COG2: variants seen among roughly 807,000 people sequenced by gnomAD.
The protein encoded by COG2 is component of oligomeric golgi complex 2, also known as conserved oligomeric Golgi complex subunit 2.
In COG2, 52 loss-of-function variants were observed where a neutral mutation model predicts 90.6. The observed-to-expected ratio is 0.57, with a 90% confidence interval of 0.46 to 0.72. The LOEUF (loss-of-function observed/expected upper bound fraction) is 0.72. Ranked by LOEUF, COG2 falls within the 30% of genes least tolerant of loss-of-function variation. The pLI, the probability that COG2 is intolerant of heterozygous loss-of-function variation, is 0.00. For synonymous variants in COG2, 337 were observed against 320.4 expected (o/e 1.05, Z -0.55); for missense variants, 829 against 891.2 (o/e 0.93, Z 0.89).
intron 15 of COG2, 57 bp from the exon 16 acceptor site, chr1:230,689,957 C>G (rs1354421532): frequency 1.3e-6 from 2 of 1,486,514 alleles, no homozygotes; most frequent in Admixed American, 2.3e-5. Flanking sequence ...GGGTAACTTA[C>G]TGTTTCTTTT....
At chr1:230,650,752 G>T (rs111400169) in intron 1 of COG2, among the ~76,000 whole-genome samples, 1 of 152,070 alleles carries the variant, frequency 6.6e-6, no homozygotes, top group Non-Finnish European at 1.5e-5. Context: ...TGAGGTCTTA[G>T]TCATAAATCC....
chr1:230,685,860 G>C (rs1662872489), intron 12 of COG2, among the ~76,000 whole-genome samples: 1 of 152,104 alleles, frequency 6.6e-6, no homozygotes, highest in Non-Finnish European at 1.5e-5. Context: ...CTTTCTCTGG[G>C]GACAGCGTGA....
rs752655263 is a variant in COG2 at position 230,688,086 on chromosome 1, G to A, written c.1594G>A (p.Glu532Lys). 3.1e-6 allele frequency: 5 copies of A among 1,596,850 alleles called. No homozygotes were observed. In the East Asian group the frequency reaches 1.1e-4, roughly 36 times the overall value. The change falls in exon 14 of 18, where the codon GAA becomes AAA. Residue 532 changes from glutamate to lysine, a missense_variant. Coordinates refer to ENST00000366669, the MANE Select transcript of COG2 (RefSeq NM_007357.3). ...KLQEQLPELL[E>K]IIKPKLEMIG... ...TTTATTTCAGCTTCCAGAACTCTTG[G>A]AAATAATCAAGCCAAAACTTGAAAT...
intron 6 of COG2, 120 bp downstream of exon 6, chr1:230,668,904 AT>A (rs1558273528): frequency 1.6e-6 from 1 of 644,924 alleles, no homozygotes; most frequent in Non-Finnish European, 2.6e-6. Flanking sequence ...TTTTTTTTCA[AT>A]TTTTAATTTT....
chr1:230,673,918 T>C (rs1662521825), intron 8 of COG2, among the ~76,000 whole-genome samples: 1 of 152,360 alleles, frequency 6.6e-6, no homozygotes, highest in African/African-American at 2.4e-5. Context: ...AAATTTATTT[T>C]AATACTTACC....
At chr1:230,689,427 G>C (rs2102775098) in intron 15 of COG2, among the ~76,000 whole-genome samples, 1 of 152,220 alleles carries the variant, frequency 6.6e-6, no homozygotes, top group South Asian at 2.1e-4. Flanking sequence ...GTTTGTTATG[G>C]GTCATTCACT....
At chr1:230,682,928 A>T (rs1307712360) in intron 10 of COG2, 1 of 152,294 alleles carries the variant, frequency 6.6e-6, no homozygotes, top group Non-Finnish European at 1.5e-5. Context: ...TTAGAACAGA[A>T]GTCTGTGACA....
At chr1:230,654,450 G>C (rs1002107802) in intron 1 of COG2, among the ~76,000 whole-genome samples, 1 of 152,100 alleles carries the variant, frequency 6.6e-6, no homozygotes, top group Non-Finnish European at 1.5e-5. Context: ...TGAGTCCTCT[G>C]TTCTGTTCCA....
chr1:230,668,896 T>C, intron 6 of COG2, 112 bp downstream of exon 6: 1 of 676,530 alleles, frequency 1.5e-6, no homozygotes, highest in Non-Finnish European at 2.4e-6. Flanking sequence ...ACCTTGCATT[T>C]TTTTTCAATT....
rs561965030 is a variant in COG2 at position 230,666,113 on chromosome 1, G to A, written c.485+1526G>A. The stretch of plus-strand genomic sequence containing the variant: ...TCAGACTCATCAGTCTGCTGACTGC[G>A]GGGAGTTTAGTGGACGTTCTCCAGG... On this transcript the variant is annotated intron_variant, in intron 5 of 17. Coordinates refer to ENST00000366669, the MANE Select transcript of COG2 (RefSeq NM_007357.3). 9.2e-5 allele frequency among the ~76,000 whole-genome samples: 14 copies of A among 152,184 alleles called. No individual in the cohort carries two copies. The South Asian group carries it at 2.3e-3, about 25-fold the overall frequency.
chr1:230,683,475 C>T, intron 10 of COG2, 99 bp from the exon 11 acceptor site: 2 of 800,860 alleles, frequency 2.5e-6, no homozygotes, highest in Non-Finnish European at 4.2e-6. Flanking sequence ...CAGTGAGTGA[C>T]AGAGGAAGTT....
chr1:230,688,321 T>G (rs1224854971), intron 14 of COG2, 99 bp from the exon 15 acceptor site: 3 of 1,434,080 alleles, frequency 2.1e-6, no homozygotes, highest in African/African-American at 2.9e-5. Flanking sequence ...TTGATCTGAT[T>G]TATTATAGTA....
intron 1 of COG2, among the ~76,000 whole-genome samples, chr1:230,651,281 G>A (rs1397310550): frequency 2.0e-5 from 3 of 152,018 alleles, no homozygotes; most frequent in Non-Finnish European, 2.9e-5. Flanking sequence ...ACTTTTTGAC[G>A]TTCAGCATGG....
intron 1 of COG2, among the ~76,000 whole-genome samples, chr1:230,657,694 C>T (rs1413278332): frequency 2.0e-5 from 3 of 152,174 alleles, no homozygotes; most frequent in Non-Finnish European, 2.9e-5. Flanking sequence ...CCGTCACTTT[C>T]GGGTACACCA....
rs993323330 is a variant in COG2 at position 230,693,531 on chromosome 1, G to A, written c.*138G>A. 5.1e-5 allele frequency: 28 copies of A among 548,840 alleles called. No individual in the cohort carries two copies. The highest frequency in any genetic ancestry group is 7.5e-5 in the Non-Finnish European group (23 of 304,840). The allele number at this position is 548,840 out of a possible 1,614,324, so 34.0% of individuals were successfully genotyped here. A position where few individuals can be genotyped will look rare whatever the true frequency, so the allele number is the denominator to read the frequency against. The stretch of plus-strand genomic sequence containing the variant: ...GCTTCCAGCATCACTCCAGCAACAC[G>A]CCCATGCGTCTTCTCTCAGCGTATT... On this transcript the variant is annotated 3_prime_UTR_variant, in exon 18 of 18. Coordinates refer to ENST00000366669, the MANE Select transcript of COG2 (RefSeq NM_007357.3).
chr1:230,664,399 T>C (rs1662263981), intron 4 of COG2, 85 bp from the exon 5 acceptor site: 1 of 498,956 alleles, frequency 2.0e-6, no homozygotes. Context: ...CTTTTGACTT[T>C]GTATTTTCCT....
Position 230,689,944 on chromosome 1 carries a change from T to A in COG2, c.1795-70T>A, listed in dbSNP as rs188269666. 103 of 1,439,424 alleles carry A rather than the reference T, an allele frequency of 7.2e-5. No individual in the cohort carries two copies. In the African/African-American group the frequency reaches 1.4e-3, roughly 19 times the overall value. The allele number at this position is 1,439,424 out of a possible 1,614,324, so 89.2% of individuals were successfully genotyped here. A position where few individuals can be genotyped will look rare whatever the true frequency, so the allele number is the denominator to read the frequency against. On this transcript the variant is annotated intron_variant, in intron 15 of 17. Coordinates refer to ENST00000366669, the MANE Select transcript of COG2 (RefSeq NM_007357.3). ...TAATAGTATCCTTTTGGACTTGAGT[T>A]CTGGGTAACTTACTGTTTCTTTTCT...
In COG2 at chr1:230,688,548, C is replaced by T. The variant is rs1374794184; in HGVS notation, c.1780C>T (p.Arg594Ter). 1.2e-6 allele frequency: 2 copies of T among 1,613,860 alleles called. No individual in the cohort carries two copies. Among genetic ancestry groups the T allele is most frequent in the Admixed American group, 1.7e-5 (1 of 60,006 alleles). ...CGCCCTGGAGGTTCCCAGGCTTTACCGAAGAACCAATAAGGTCAGCGCCAT... is the reference window on the plus strand; with the variant it reads ...CGCCCTGGAGGTTCCCAGGCTTTACTGAAGAACCAATAAGGTCAGCGCCAT... ...KSALEVPRLY[R>*]RTNKEVPTTA... The change falls in exon 15 of 18, where the codon CGA (arginine) becomes TGA (stop). Residue 594 changes from arginine (R) to a stop codon, truncating the protein, a stop_gained. Coordinates refer to ENST00000366669, the MANE Select transcript of COG2 (RefSeq NM_007357.3). LOFTEE classifies it high-confidence loss of function.
chr1:230,645,851 A>G (rs909500641), intron 1 of COG2, among the ~76,000 whole-genome samples: 1 of 152,062 alleles, frequency 6.6e-6, no homozygotes, highest in Non-Finnish European at 1.5e-5. Context: ...AGTTCACAGT[A>G]GGGTCCATGC....
Sources: gnomAD v4.1 joint callset for allele counts (sites outside exome capture counted in the v4.1 genomes callset) on GRCh38, gnomAD v4.1.1 for gene constraint, MANE v1.5 for transcripts, NCBI Gene and HGNC (gene_info 2026-07-23, HGNC 2026-07-21) for gene names.